NBAS: variants seen among roughly 807,000 people sequenced by gnomAD.
NBAS encodes the protein NBAS subunit of NRZ tethering complex, also known as NAG/BC035112 fusion.
A neutral mutation model predicts 302.5 loss-of-function variants in NBAS; 219 were observed. The ratio of observed to expected loss-of-function variants is 0.72; its 90% CI spans 0.65 to 0.81. The LOEUF (loss-of-function observed/expected upper bound fraction) is 0.81, where lower values mean the gene tolerates loss of function less well. Among genes scored for constraint, NBAS ranks in the 30% least tolerant of loss-of-function variants. NBAS has a pLI of 0.00. For synonymous variants in NBAS, 1,118 were observed against 1,021.6 expected, an observed-to-expected ratio of 1.09 and a Z score of -1.80; for missense variants, 2,932 against 2,841.6, an observed-to-expected ratio of 1.03 and a Z score of -0.72.
Position 15,483,105 on chromosome 2 carries a change from TA to T in NBAS, c.1084-4817del, listed in dbSNP as rs1244295188. Among the ~76,000 whole-genome samples, 3 of 152,330 alleles carry T rather than the reference TA, an allele frequency of 2.0e-5. No individual in the cohort carries two copies. In the East Asian group the frequency reaches 5.8e-4, roughly 29 times the overall value. ...TTTATTTGCTAATTGTTTTTACCAC[TA>T]AAATCTAAATATAATGAAATCCCTG... On this transcript the variant is annotated intron_variant, in intron 12 of 51. Transcript: ENST00000281513.
chr2:15,544,219 A>G (rs1663993091), intron 6 of NBAS, among the ~76,000 whole-genome samples: 1 of 152,212 alleles, frequency 6.6e-6, no homozygotes, highest in Non-Finnish European at 1.5e-5. Context: ...GGGAGTGGAA[A>G]GACATCAGAG....
the NBAS span, among the ~76,000 whole-genome samples, chr2:15,007,515 G>A: frequency 5.9e-3 from 893 of 152,186 alleles, 10 homozygotes; most frequent in African/African-American, 0.02. Context: ...TTTTCTTGTG[G>A]AGCTTTTTTG....
chr2:15,525,408 T>C (rs761734920), intron 9 of NBAS, among the ~76,000 whole-genome samples: 1 of 152,164 alleles, frequency 6.6e-6, no homozygotes, highest in Non-Finnish European at 1.5e-5. Context: ...TACTTTGAGA[T>C]TACACAGCTA....
chr2:15,478,221 C>T lies in NBAS; in HGVS notation c.1147+5G>A. On this transcript the variant is annotated splice_donor_5th_base_variant and intron_variant, in intron 13 of 51. Coordinates refer to ENST00000281513, the MANE Select transcript of NBAS (RefSeq NM_015909.4). Reference sequence around the variant, plus strand: ...GTTTCAATTATCACATTTCGTAGAACTCACCTTTGATTTTTTTTCTCTTCT... The same window carrying T: ...GTTTCAATTATCACATTTCGTAGAATTCACCTTTGATTTTTTTTCTCTTCT... 6.3e-7 allele frequency: 1 copy of T among 1,579,624 alleles called. No homozygotes were observed. The highest frequency in any genetic ancestry group is 8.7e-7 in the Non-Finnish European group (1 of 1,148,748).
chr2:15,330,591 T>G lies in NBAS; in HGVS notation c.4347+7A>C. ...GTTGATTTTAAAAAGAAAGATGCAC[T>G]GCTTACCTGAAGGGGTCGAAGGTAA... On this transcript the variant is annotated splice_region_variant and intron_variant, in intron 36 of 51. Coordinates refer to ENST00000281513, the MANE Select transcript of NBAS (RefSeq NM_015909.4). The G allele has an allele frequency of 3.1e-6, 5 of 1,613,658 alleles. No individual in the cohort carries two copies. Among genetic ancestry groups the G allele is most frequent in the Non-Finnish European group, 4.2e-6 (5 of 1,179,704 alleles).
the NBAS span, among the ~76,000 whole-genome samples, chr2:14,994,553 T>C: frequency 1.3e-5 from 2 of 152,196 alleles, no homozygotes; most frequent in South Asian, 2.1e-4. Flanking sequence ...GCCTTGGATG[T>C]GGCTGACGCT....
chr2:14,933,281 C>T, the NBAS span, among the ~76,000 whole-genome samples: 2 of 152,264 alleles, frequency 1.3e-5, no homozygotes, highest in East Asian at 1.9e-4. Context: ...TGGTAAGGAA[C>T]AAAAACATTT....
At chr2:14,813,903 G>A in the NBAS span, among the ~76,000 whole-genome samples, 2 of 152,166 alleles carry the variant, frequency 1.3e-5, no homozygotes, top group Non-Finnish European at 2.9e-5. Flanking sequence ...ATTTGGGGGG[G>A]CCAGGCCCAT....
At chr2:15,498,850 C>T (rs1681171756) in intron 11 of NBAS, among the ~76,000 whole-genome samples, 2 of 151,938 alleles carry the variant, frequency 1.3e-5, no homozygotes, top group South Asian at 4.2e-4. Context: ...GCCTCCCAGT[C>T]ATGCTTCCTG....
At chr2:14,818,127 G>A in the NBAS span, among the ~76,000 whole-genome samples, 3 of 152,114 alleles carry the variant, frequency 2.0e-5, no homozygotes, top group Admixed American at 1.3e-4. Context: ...CTGTTTGGGA[G>A]TATCTCAAAT....
chr2:15,426,468 GT>G (rs1677483353), intron 22 of NBAS, among the ~76,000 whole-genome samples: 1 of 152,028 alleles, frequency 6.6e-6, no homozygotes, highest in African/African-American at 2.4e-5. Flanking sequence ...TATTACACTT[GT>G]TTTTTAAATA....
rs1194417471 is a variant in NBAS at position 15,218,975 on chromosome 2, G to A, written c.6237-7C>T. 1.2e-6 allele frequency: 2 copies of A among 1,614,160 alleles called. No homozygotes were observed. Among genetic ancestry groups the A allele is most frequent in the Non-Finnish European group, 1.7e-6 (2 of 1,180,020 alleles). On this transcript the variant is annotated splice_region_variant and splice_polypyrimidine_tract_variant and intron_variant, in intron 47 of 51. Coordinates refer to ENST00000281513, the MANE Select transcript of NBAS (RefSeq NM_015909.4). Reference sequence around the variant, plus strand: ...AGGTGAAACCAGCTCCTCACTGCAGGGCAAAATCCAGAGGTATCTGTAAAC... The same window carrying A: ...AGGTGAAACCAGCTCCTCACTGCAGAGCAAAATCCAGAGGTATCTGTAAAC...
chr2:15,404,866 G>A (rs1012679353), intron 25 of NBAS, among the ~76,000 whole-genome samples: 1 of 152,056 alleles, frequency 6.6e-6, no homozygotes, highest in African/African-American at 2.4e-5. Context: ...GACCACATAT[G>A]TTCAAACTTT....
At chr2:15,121,821 C>T in the NBAS span, among the ~76,000 whole-genome samples, 434 of 152,152 alleles carry the variant, frequency 2.9e-3, 1 homozygote, top group African/African-American at 9.8e-3. Flanking sequence ...TAATAGGAAG[C>T]ACATGCCATA....
chr2:15,406,628 T>A (rs1676428241), intron 25 of NBAS, among the ~76,000 whole-genome samples: 1 of 151,982 alleles, frequency 6.6e-6, no homozygotes, highest in Non-Finnish European at 1.5e-5. Flanking sequence ...ACTGACCAAC[T>A]GGGAGAAATA....
chr2:15,395,269 C>T (rs921604041), intron 27 of NBAS, among the ~76,000 whole-genome samples: 3 of 152,044 alleles, frequency 2.0e-5, no homozygotes, highest in African/African-American at 7.2e-5. Flanking sequence ...TCTCTTTGAG[C>T]TATCTCTTCT....
At chr2:14,954,416 G>A in the NBAS span, among the ~76,000 whole-genome samples, 10 of 152,154 alleles carry the variant, frequency 6.6e-5, no homozygotes, top group African/African-American at 2.2e-4. Flanking sequence ...GCGACCAGCA[G>A]GCAGGACACA....
chr2:15,324,556 C>T (rs1289785311), intron 38 of NBAS, among the ~76,000 whole-genome samples: 1 of 152,180 alleles, frequency 6.6e-6, no homozygotes, highest in Admixed American at 6.5e-5. Flanking sequence ...ACAACACCTT[C>T]TCCCTCAGCT....
chr2:14,880,934 C>CAAA, the NBAS span, among the ~76,000 whole-genome samples: 107 of 140,686 alleles, frequency 7.6e-4, 2 homozygotes, highest in African/African-American at 2.7e-3. Flanking sequence ...TCCAGGATAG[C>CAAA]AAAAAAAAAA....
Sources: gnomAD v4.1 joint callset for allele counts (sites outside exome capture counted in the v4.1 genomes callset) on GRCh38, gnomAD v4.1.1 for gene constraint, MANE v1.5 for transcripts, NCBI Gene and HGNC (gene_info 2026-07-23, HGNC 2026-07-21) for gene names.